The following AUTS2 variants were observed in gnomAD, a reference collection of about 807,000 sequenced individuals.
AUTS2 encodes activator of transcription and developmental regulator AUTS2.
Under a neutral mutation model 112.4 loss-of-function variants are expected in AUTS2, and 17 were observed. The ratio of observed to expected loss-of-function variants is 0.15; its 90% CI spans 0.10 to 0.23. The LOEUF is 0.23. Among genes scored for constraint, AUTS2 ranks in the 10% least tolerant of loss-of-function variants. The probability of loss-of-function intolerance (pLI) is 1.00; values close to 1 mark genes in which losing one functional copy is unlikely to be tolerated. For synonymous variants in AUTS2, 751 were observed against 702.7 expected, an observed-to-expected ratio of 1.07 and a Z score of -1.09; for missense variants, 1,510 against 1,701.6, an observed-to-expected ratio of 0.89 and a Z score of 1.98.
intron 2 of AUTS2, among the ~76,000 whole-genome samples, chr7:69,925,151 C>G (rs978484791): frequency 1.3e-5 from 2 of 151,982 alleles, no homozygotes; most frequent in African/African-American, 4.8e-5. Context: ...TCCTTTCCTC[C>G]CCTCTTCTCT....
Position 70,787,368 on chromosome 7 carries a change from C to T in AUTS2, c.2468C>T (p.Ala823Val). Residue 823 changes from alanine to valine, a missense_variant, in exon 18 of 19, where the codon GCT becomes GTT. Ala to Val is a moderately conservative substitution (Grantham distance 64, BLOSUM62 0). Transcript: ENST00000342771. The stretch of plus-strand genomic sequence containing the variant: ...CTGGAGCGCAGCGCGTCCGCTGCAG[C>T]TCATGACAGAGATAGAGATGTAGAT... ...GELERSASAAAHDRDRDVDKR... is the reference protein window; with the variant it reads ...GELERSASAAVHDRDRDVDKR... 1 of 1,614,052 alleles carries T rather than the reference C, an allele frequency of 6.2e-7. No homozygotes were observed. Among genetic ancestry groups the T allele is most frequent in the East Asian group, 2.2e-5 (1 of 44,858 alleles).
chr7:70,351,617 C>T (rs1009073710), intron 4 of AUTS2, among the ~76,000 whole-genome samples: 1 of 152,190 alleles, frequency 6.6e-6, no homozygotes, highest in African/African-American at 2.4e-5. Flanking sequence ...AATAGCTATA[C>T]CAACTTACAT....
chr7:70,464,741 T>C (rs1252286016), intron 5 of AUTS2, among the ~76,000 whole-genome samples: 1 of 152,192 alleles, frequency 6.6e-6, no homozygotes, highest in East Asian at 1.9e-4. Flanking sequence ...GGAGTGCATT[T>C]CTGGTTAACT....
chr7:70,309,217 T>A (rs1789624733), intron 4 of AUTS2, among the ~76,000 whole-genome samples: 1 of 152,232 alleles, frequency 6.6e-6, no homozygotes, highest in Admixed American at 6.5e-5. Flanking sequence ...TATAACATTA[T>A]ACTATATTAA....
chr7:69,840,858 A>G (rs781257036), intron 1 of AUTS2, among the ~76,000 whole-genome samples: 18 of 152,200 alleles, frequency 1.2e-4, no homozygotes, highest in Non-Finnish European at 1.9e-4. Context: ...CAAATAAAAT[A>G]TAGAAGGATA....
intron 1 of AUTS2, among the ~76,000 whole-genome samples, chr7:69,626,300 A>G (rs1256072148): frequency 6.6e-6 from 1 of 152,134 alleles, no homozygotes; most frequent in Non-Finnish European, 1.5e-5. Flanking sequence ...TGTTCACTGT[A>G]TTCTTTCCTG....
At chr7:69,985,245 A>AAAAG (rs1798460275) in intron 2 of AUTS2, among the ~76,000 whole-genome samples, 1 of 151,230 alleles carries the variant, frequency 6.6e-6, no homozygotes, top group Non-Finnish European at 1.5e-5. Context: ...AAAAAAAAAA[A>AAAAG]AAGAAAGGAA....
chr7:70,130,001 C>T (rs1314080928), intron 3 of AUTS2, among the ~76,000 whole-genome samples: 1 of 151,824 alleles, frequency 6.6e-6, no homozygotes, highest in Non-Finnish European at 1.5e-5. Context: ...TTTTAAAACA[C>T]TACTGGAAGA....
At chr7:70,617,448 G>T (rs1332977756) in intron 5 of AUTS2, among the ~76,000 whole-genome samples, 1 of 152,162 alleles carries the variant, frequency 6.6e-6, no homozygotes. Flanking sequence ...GGATCATGAG[G>T]TCAGGAGATC....
intron 2 of AUTS2, among the ~76,000 whole-genome samples, chr7:69,927,622 AC>A (rs1315427582): frequency 6.6e-6 from 1 of 152,136 alleles, no homozygotes; most frequent in Non-Finnish European, 1.5e-5. Flanking sequence ...CCTCGGTCCT[AC>A]GCCAAGGGTG....
chr7:70,203,392 G>A, intron 4 of AUTS2, among the ~76,000 whole-genome samples: 1 of 141,654 alleles, frequency 7.1e-6, no homozygotes, highest in African/African-American at 2.6e-5. Flanking sequence ...ATGAGAAGTA[G>A]ACTGACATTG....
intron 2 of AUTS2, among the ~76,000 whole-genome samples, chr7:70,045,753 C>A (rs543871993): frequency 6.7e-6 from 1 of 149,988 alleles, no homozygotes; most frequent in African/African-American, 2.4e-5. Flanking sequence ...GGATTACAGG[C>A]GCATGCCACC....
intron 1 of AUTS2, among the ~76,000 whole-genome samples, chr7:69,641,124 C>G (rs1028039547): frequency 1.3e-5 from 2 of 152,180 alleles, no homozygotes; most frequent in African/African-American, 4.8e-5. Context: ...TCTGCTCCTT[C>G]TGGAGCTGGC....
At chr7:70,702,346 T>G (rs2129547900) in intron 6 of AUTS2, among the ~76,000 whole-genome samples, 1 of 152,308 alleles carries the variant, frequency 6.6e-6, no homozygotes, top group South Asian at 2.1e-4. Flanking sequence ...CCCTTCTTGG[T>G]TCAGAGCCCT....
At chr7:70,330,912 A>C (rs887271275) in intron 4 of AUTS2, among the ~76,000 whole-genome samples, 2 of 151,980 alleles carry the variant, frequency 1.3e-5, no homozygotes, top group African/African-American at 4.8e-5. Flanking sequence ...TTATTTTCTT[A>C]ATTTCCTTTT....
intron 1 of AUTS2, among the ~76,000 whole-genome samples, chr7:69,731,056 G>A (rs754929925): frequency 9.8e-4 from 149 of 152,196 alleles, no homozygotes; most frequent in Non-Finnish European, 1.8e-3. Flanking sequence ...GGCACTTTGG[G>A]AGGCCAAGGT....
rs66614263 is a variant in AUTS2 at position 70,768,877 on chromosome 7, CT to C, written c.1734+825del. Among the ~76,000 whole-genome samples, 382 of 108,160 alleles carry C rather than the reference CT, an allele frequency of 3.5e-3. 1 individual carries two copies. Among genetic ancestry groups the C allele is most frequent in the South Asian group, 9.1e-3 (29 of 3,172 alleles). The allele number at this position is 108,160 out of a possible 152,430, so 71.0% of individuals were successfully genotyped here. A position where few individuals can be genotyped will look rare whatever the true frequency, so the allele number is the denominator to read the frequency against. ...TTGCAAGTTTCTTTGCCAGTGATTT[CT>C]TTTTTTTTTTTTTTTAATGAAACCA... On this transcript the variant is annotated intron_variant, in intron 10 of 18. Coordinates refer to ENST00000342771, the MANE Select transcript of AUTS2 (RefSeq NM_015570.4).
intron 1 of AUTS2, among the ~76,000 whole-genome samples, chr7:69,850,191 C>T (rs1211091236): frequency 6.6e-6 from 1 of 151,136 alleles, no homozygotes; most frequent in East Asian, 1.9e-4. Flanking sequence ...CCCAGCTACT[C>T]GGGAGGCTGA....
At chr7:70,406,058 C>T (rs1247010357) in intron 4 of AUTS2, among the ~76,000 whole-genome samples, 1 of 152,114 alleles carries the variant, frequency 6.6e-6, no homozygotes, top group Non-Finnish European at 1.5e-5. Flanking sequence ...AGAAAACACT[C>T]TTTTCACGGT....
Sources: allele counts gnomAD v4.1 joint callset (sites outside exome capture counted in the v4.1 genomes callset), GRCh38; gene constraint gnomAD v4.1.1; transcripts MANE v1.5; gene names NCBI Gene and HGNC (gene_info 2026-07-23, HGNC 2026-07-21).